PTPRN2: variants seen among roughly 807,000 people sequenced by gnomAD.
The protein encoded by PTPRN2 is receptor-type tyrosine-protein phosphatase N2.
Under a neutral mutation model 118.8 loss-of-function variants are expected in PTPRN2, and 74 were observed. That is an observed-to-expected ratio of 0.62 (90% CI 0.52 to 0.76). The LOEUF (loss-of-function observed/expected upper bound fraction) is 0.76. Among genes scored for constraint, PTPRN2 ranks in the 30% least tolerant of loss-of-function variants. PTPRN2 has a pLI of 0.00. For missense variants in PTPRN2, 1,481 were observed against 1,394.4 expected (o/e 1.06, Z -0.99); for synonymous variants, 641 against 608.0 (o/e 1.05, Z -0.80).
chr7:157,630,251 T>C (rs1366193402), intron 14 of PTPRN2, among the ~76,000 whole-genome samples: 1 of 152,252 alleles, frequency 6.6e-6, no homozygotes, highest in Non-Finnish European at 1.5e-5. Flanking sequence ...GTTAATATTA[T>C]GCAGCAGGAA....
rs1455509859 is a variant in PTPRN2 at position 157,611,884 on chromosome 7, C to T, written c.2345-7809G>A. Among the ~76,000 whole-genome samples, 4 of 149,540 alleles carry T rather than the reference C, an allele frequency of 2.7e-5. No homozygotes were observed. Among genetic ancestry groups the T allele is most frequent in the African/African-American group, 7.4e-5 (3 of 40,458 alleles). On this transcript the variant is annotated intron_variant, in intron 15 of 22. Transcript: ENST00000389418. The surrounding 1 kb of genome is among the most constrained non-coding windows in gnomAD (Gnocchi z 5.9). ...GCGCCCGTGTGAAGACGAAGACAGC[C>T]GCAGTCATGCTGGGGACACGCGGAG... is the stretch of plus-strand genomic sequence containing the variant.
chr7:158,373,679 C>T (rs116005460), intron 2 of PTPRN2, among the ~76,000 whole-genome samples: 9,176 of 152,276 alleles, frequency 0.06, 348 homozygotes, highest in Admixed American at 0.096. Context: ...TGAAGAATTA[C>T]ACTGCAGTGC....
At chr7:157,900,205 G>A (rs527535447) in intron 11 of PTPRN2, among the ~76,000 whole-genome samples, 2 of 152,328 alleles carry the variant, frequency 1.3e-5, no homozygotes, top group Admixed American at 6.5e-5. Flanking sequence ...GTAACAACTG[G>A]GTCAGGCTCG....
chr7:158,380,588 T>C (rs1399577646), intron 2 of PTPRN2, among the ~76,000 whole-genome samples: 1 of 152,194 alleles, frequency 6.6e-6, no homozygotes, highest in Non-Finnish European at 1.5e-5. Context: ...CGGGCTGGCA[T>C]TGAGTGTCTG....
chr7:157,654,047 A>G (rs1420721782), intron 14 of PTPRN2, among the ~76,000 whole-genome samples: 4 of 41,390 alleles, frequency 9.7e-5, no homozygotes, highest in Admixed American at 3.4e-4. Context: ...CACCCACCCC[A>G]ACTCCACACG....
chr7:158,188,655 T>G (rs113738858), intron 5 of PTPRN2, among the ~76,000 whole-genome samples: 17 of 91,244 alleles, frequency 1.9e-4, no homozygotes, highest in South Asian at 7.7e-4. Context: ...CGCCCCCTGA[T>G]GGGGAAGGCC....
chr7:157,547,428 C>G (rs1798375774), intron 22 of PTPRN2, among the ~76,000 whole-genome samples: 1 of 152,144 alleles, frequency 6.6e-6, no homozygotes, highest in South Asian at 2.1e-4. Flanking sequence ...TGGCACAAAA[C>G]CTGGAACTCC....
chr7:158,501,841 C>T (rs1010735251), intron 1 of PTPRN2, among the ~76,000 whole-genome samples: 45 of 152,170 alleles, frequency 3.0e-4, no homozygotes, highest in South Asian at 4.1e-4. Flanking sequence ...GTCATAGAGT[C>T]AAGTTCTACC....
chr7:158,411,450 G>A (rs1048702488), intron 2 of PTPRN2, among the ~76,000 whole-genome samples: 2 of 152,088 alleles, frequency 1.3e-5, no homozygotes, highest in African/African-American at 2.4e-5. Flanking sequence ...CCTTGCACAT[G>A]CCCGGCCACC....
intron 11 of PTPRN2, among the ~76,000 whole-genome samples, chr7:157,942,947 C>T (rs1006124685): frequency 6.6e-6 from 1 of 152,204 alleles, no homozygotes; most frequent in Non-Finnish European, 1.5e-5. Flanking sequence ...CACCGTCTCC[C>T]ATCCCTGGCA....
chr7:158,271,322 T>C (rs771978583), intron 3 of PTPRN2, among the ~76,000 whole-genome samples: 4 of 152,230 alleles, frequency 2.6e-5, no homozygotes, highest in Non-Finnish European at 4.4e-5. Context: ...ACACACTGCA[T>C]AATTAACTGA....
intron 12 of PTPRN2, among the ~76,000 whole-genome samples, chr7:157,795,965 A>G (rs2151085868): frequency 6.6e-6 from 1 of 152,358 alleles, no homozygotes; most frequent in Admixed American, 6.5e-5. Context: ...GGAGGGGGGC[A>G]GGCGCCGAGG....
intron 12 of PTPRN2, among the ~76,000 whole-genome samples, chr7:157,762,074 C>G (rs1488005340): frequency 6.6e-6 from 1 of 151,930 alleles, no homozygotes; most frequent in Non-Finnish European, 1.5e-5. Context: ...GAATGGCAAT[C>G]ATTAAAAAGT....
intron 10 of PTPRN2, among the ~76,000 whole-genome samples, chr7:158,100,002 T>A (rs2878537): frequency 6.6e-6 from 1 of 151,148 alleles, no homozygotes; most frequent in Non-Finnish European, 1.5e-5. Flanking sequence ...AGTTCTCTAA[T>A]GGTGATGTGT....
At chr7:157,553,778 C>A (rs1265345193) in intron 21 of PTPRN2, among the ~76,000 whole-genome samples, 3 of 152,204 alleles carry the variant, frequency 2.0e-5, no homozygotes. Context: ...CAACTGTCTG[C>A]TGTGGACGGC....
chr7:158,461,751 G>T (rs573121328), intron 2 of PTPRN2, among the ~76,000 whole-genome samples: 2 of 152,300 alleles, frequency 1.3e-5, no homozygotes, highest in African/African-American at 4.8e-5. Context: ...ACTGTTCCCT[G>T]CTATGCTTGG....
chr7:157,834,859 G>A (rs1807826860), intron 12 of PTPRN2, among the ~76,000 whole-genome samples: 1 of 152,216 alleles, frequency 6.6e-6, no homozygotes, highest in Non-Finnish European at 1.5e-5. Flanking sequence ...ACCGGACCCA[G>A]CTTTCAATGC....
At chr7:158,160,056 G>A (rs887309349) in intron 6 of PTPRN2, among the ~76,000 whole-genome samples, 7 of 152,202 alleles carry the variant, frequency 4.6e-5, no homozygotes, top group African/African-American at 1.4e-4. Flanking sequence ...CTGCTGGGTG[G>A]AGCTATTAGC....
At chr7:158,401,031 A>G (rs1315860088) in intron 2 of PTPRN2, among the ~76,000 whole-genome samples, 1 of 152,106 alleles carries the variant, frequency 6.6e-6, no homozygotes, top group African/African-American at 2.4e-5. Context: ...GCCGCTCATC[A>G]CCCAGGAACC....
Sources: gnomAD v4.1 joint callset for allele counts (sites outside exome capture counted in the v4.1 genomes callset) on GRCh38, gnomAD v4.1.1 for gene constraint, Gnocchi (gnomAD v3.1) non-coding constraint, MANE v1.5 for transcripts, NCBI Gene and HGNC (gene_info 2026-07-23, HGNC 2026-07-21) for gene names.